Variants in SLC35F4 observed in about 807,000 individuals in gnomAD.
SLC35F4 encodes the protein solute carrier family 35 member F4.
SLC35F4 carries 24 observed loss-of-function variants against 44.2 expected under a neutral mutation model. The ratio of observed to expected loss-of-function variants is 0.54; its 90% CI spans 0.39 to 0.76. SLC35F4 has a LOEUF of 0.76. Ranked by LOEUF, SLC35F4 falls within the 30% of genes least tolerant of loss-of-function variation. The pLI, the probability that SLC35F4 is intolerant of heterozygous loss-of-function variation, is 0.00. For missense variants in SLC35F4, 562 were observed against 586.1 expected (o/e 0.96, Z 0.42); for synonymous variants, 238 against 223.6 (o/e 1.06, Z -0.57).
At position 57,911,612 on chromosome 14, in the gene SLC35F4, A is replaced by G. The variant is rs931887262; in HGVS notation, n.282+70301T>C. ...TTAATTGATATTCAAATATTGGACC[A>G]TCCTTGCAAACCTGGGATAAATCCC... On this transcript the variant is annotated intron_variant and non_coding_transcript_variant, in intron 1 of 1. Coordinates refer to the SLC35F4 transcript ENST00000556568. Among the ~76,000 whole-genome samples, 5 of 152,044 alleles carry G rather than the reference A, an allele frequency of 3.3e-5. No homozygotes were observed. The East Asian group carries it at 5.8e-4, about 18-fold the overall frequency.
intron 1 of SLC35F4, among the ~76,000 whole-genome samples, chr14:57,760,684 A>G (rs1027055701): frequency 6.6e-6 from 1 of 152,208 alleles, no homozygotes; most frequent in African/African-American, 2.4e-5. Flanking sequence ...GCATTTAGTG[A>G]AGCAATAATT....
At chr14:57,915,345 C>G (rs7145562) in intron 1 of SLC35F4, among the ~76,000 whole-genome samples, 14,448 of 152,164 alleles carry the variant, frequency 0.095, 739 homozygotes, top group Middle Eastern at 0.12. Flanking sequence ...TACCTTCTAT[C>G]TATGGTAATC....
At chr14:57,886,866 T>C (rs1351213107) in intron 1 of SLC35F4, among the ~76,000 whole-genome samples, 3 of 152,150 alleles carry the variant, frequency 2.0e-5, no homozygotes, top group East Asian at 3.8e-4. Context: ...CACAAGTTCA[T>C]CTAGGAAGTG....
In SLC35F4 at chr14:57,728,437, CTTTCTTTTT is replaced by C. The variant is rs1176854707; in HGVS notation, c.104-134322_104-134314del. Among the ~76,000 whole-genome samples the C allele has an allele frequency of 1.0e-4, 10 of 97,606 alleles. No homozygotes were observed. In the South Asian group the frequency reaches 1.1e-3, roughly 11 times the overall value. 64.0% of individuals were successfully genotyped at this position (97,606 alleles called of 152,430 possible). A position where few individuals can be genotyped will look rare whatever the true frequency, so the allele number is the denominator to read the frequency against. ...CATTGATTTTTCTTCTTTTTTCTTT[CTTTCTTTTT>C]TTTTTTTTTTTTTTTTTTTTGAGAT... On this transcript the variant is annotated intron_variant, in intron 1 of 7. Transcript: ENST00000556826.
At chr14:57,745,040 C>T (rs1594943748) in intron 1 of SLC35F4, among the ~76,000 whole-genome samples, 2 of 152,190 alleles carry the variant, frequency 1.3e-5, no homozygotes, top group African/African-American at 2.4e-5. Flanking sequence ...ATGTAGAAAG[C>T]TGAAACTGGA....
chr14:57,610,631 T>A (rs1226507123), intron 1 of SLC35F4, among the ~76,000 whole-genome samples: 4 of 152,172 alleles, frequency 2.6e-5, no homozygotes, highest in African/African-American at 9.7e-5. Context: ...ACCAATGAAA[T>A]GTTGTAGGAG....
chr14:57,924,892 G>A (rs1246976753), intron 1 of SLC35F4, among the ~76,000 whole-genome samples: 1 of 151,844 alleles, frequency 6.6e-6, no homozygotes, highest in Non-Finnish European at 1.5e-5. Flanking sequence ...AGCAAGTTAT[G>A]TGCCACAATG....
chr14:57,627,559 G>A (rs1046354958), intron 1 of SLC35F4, among the ~76,000 whole-genome samples: 1 of 152,030 alleles, frequency 6.6e-6, no homozygotes, highest in Middle Eastern at 3.2e-3. Context: ...GCTATGCTGG[G>A]CTTTTGGGCT....
chr14:57,772,947 G>A (rs1197218853), intron 1 of SLC35F4, among the ~76,000 whole-genome samples: 3 of 152,140 alleles, frequency 2.0e-5, no homozygotes, highest in Non-Finnish European at 4.4e-5. Context: ...TTTCCATAGA[G>A]GTTGAACAAA....
intron 1 of SLC35F4, among the ~76,000 whole-genome samples, chr14:57,670,084 T>C (rs532647821): frequency 7.9e-5 from 12 of 152,288 alleles, no homozygotes; most frequent in Admixed American, 1.3e-4. Context: ...GAGGAATTTA[T>C]CCATTTCTTC....
At chr14:57,830,207 T>G (rs1194503830) in intron 1 of SLC35F4, among the ~76,000 whole-genome samples, 1 of 152,220 alleles carries the variant, frequency 6.6e-6, no homozygotes, top group Non-Finnish European at 1.5e-5. Context: ...GTTGCCTTTT[T>G]TTCAGCTTTG....
At chr14:57,720,142 C>T (rs542128216) in intron 1 of SLC35F4, among the ~76,000 whole-genome samples, 1 of 152,080 alleles carries the variant, frequency 6.6e-6, no homozygotes, top group South Asian at 2.1e-4. Flanking sequence ...CAATGATATG[C>T]AAATATCATT....
chr14:57,938,165 A>T (rs1242858823), intron 1 of SLC35F4, among the ~76,000 whole-genome samples: 1 of 152,186 alleles, frequency 6.6e-6, no homozygotes, highest in African/African-American at 2.4e-5. Context: ...GTTTAGAGAT[A>T]TATCCTAGGA....
At chr14:57,796,499 A>C (rs192495644) in intron 1 of SLC35F4, among the ~76,000 whole-genome samples, 1 of 152,348 alleles carries the variant, frequency 6.6e-6, no homozygotes, top group East Asian at 1.9e-4. Context: ...GGTAACAGGA[A>C]GATAACATAT....
intron 1 of SLC35F4, among the ~76,000 whole-genome samples, chr14:57,863,026 T>TAAA (rs58740607): frequency 6.6e-6 from 1 of 151,854 alleles, no homozygotes; most frequent in African/African-American, 2.4e-5. Context: ...TCATCTTTTT[T>TAAA]AAAAAAAATG....
chr14:57,611,355 GT>G (rs1287278356), intron 1 of SLC35F4, among the ~76,000 whole-genome samples: 2 of 152,168 alleles, frequency 1.3e-5, no homozygotes, highest in African/African-American at 4.8e-5. Flanking sequence ...GTCATATGAA[GT>G]TGGGTGTATT....
At chr14:57,697,353 A>C (rs1051798479) in intron 1 of SLC35F4, among the ~76,000 whole-genome samples, 8 of 152,174 alleles carry the variant, frequency 5.3e-5, no homozygotes, top group Non-Finnish European at 1.0e-4. Context: ...ACAAATTTTT[A>C]AAATGTATTA....
intron 1 of SLC35F4, among the ~76,000 whole-genome samples, chr14:57,920,943 A>AACAGTG (rs1332467340): frequency 2.6e-5 from 4 of 152,228 alleles, no homozygotes; most frequent in African/African-American, 4.8e-5. Flanking sequence ...ATAACAAATG[A>AACAGTG]ACAGTGATAT....
intron 1 of SLC35F4, among the ~76,000 whole-genome samples, chr14:57,655,024 C>A (rs145946710): frequency 1.3e-5 from 2 of 152,226 alleles, no homozygotes; most frequent in Non-Finnish European, 2.9e-5. Context: ...CTCAGAGCTT[C>A]CCTTGAACCA....
Sources: gnomAD v4.1 joint callset for allele counts (sites outside exome capture counted in the v4.1 genomes callset) on GRCh38, gnomAD v4.1.1 for gene constraint, MANE v1.5 for transcripts, NCBI Gene and HGNC (gene_info 2026-07-23, HGNC 2026-07-21) for gene names.